Variants in PIP5K1B observed in about 807,000 individuals in gnomAD.
PIP5K1B encodes the protein phosphatidylinositol 4-phosphate 5-kinase type-1 beta.
In PIP5K1B, 42 loss-of-function variants were observed where a neutral mutation model predicts 67.0. The observed-to-expected ratio is 0.63, with a 90% CI of 0.49 to 0.81. The LOEUF is 0.81. Ranked by LOEUF, PIP5K1B falls within the 30% of genes least tolerant of loss-of-function variation. The probability of loss-of-function intolerance (pLI) is 0.00; values close to 1 mark genes in which losing one functional copy is unlikely to be tolerated. For missense variants in PIP5K1B, 459 were observed against 646.3 expected (o/e 0.71, Z 3.14); for synonymous variants, 214 against 231.4 (o/e 0.92, Z 0.68).
Position 68,761,544 on chromosome 9 carries a change from C to A in PIP5K1B, c.-86+18887C>A, listed in dbSNP as rs140056194. On this transcript the variant is annotated intron_variant, in intron 2 of 15. Transcript: ENST00000265382. Reference sequence around the variant, plus strand: ...AGTGAGAAGGCCAAAATTGGTCTCACTGGACTAAAATTAAGATGTCTACAA... The same window carrying A: ...AGTGAGAAGGCCAAAATTGGTCTCAATGGACTAAAATTAAGATGTCTACAA... Among the ~76,000 whole-genome samples, 9 of 152,238 alleles carry A rather than the reference C, an allele frequency of 5.9e-5. No individual in the cohort carries two copies. In the East Asian group the frequency reaches 1.5e-3, roughly 26 times the overall value.
Position 68,986,913 on chromosome 9 carries a change from C to T in PIP5K1B, c.1503-4227C>T, listed in dbSNP as rs377731400. Among the ~76,000 whole-genome samples, 6 of 152,122 alleles carry T rather than the reference C, an allele frequency of 3.9e-5. 1 individual carries two copies. The South Asian group carries it at 1.2e-3, about 31-fold the overall frequency. ...AGGGCAGGAGAAAGAGAATTACTTT[C>T]TGCTGTATTTTACACTTATATGCAT... On this transcript the variant is annotated intron_variant, in intron 14 of 15. Transcript: ENST00000265382.
At chr9:68,876,532 C>A in intron 5 of PIP5K1B, 145 bp from the exon 6 acceptor site, 1 of 606,976 alleles carries the variant, frequency 1.6e-6, no homozygotes, top group Non-Finnish European at 2.9e-6. Flanking sequence ...GCCTTTATGA[C>A]ATGAACTTTG....
At chr9:68,743,889 T>C (rs1030453901) in intron 2 of PIP5K1B, among the ~76,000 whole-genome samples, 4 of 152,140 alleles carry the variant, frequency 2.6e-5, no homozygotes, top group African/African-American at 9.7e-5. Flanking sequence ...CTCAACTGGG[T>C]GCCAGATGAA....
intron 14 of PIP5K1B, among the ~76,000 whole-genome samples, chr9:68,945,821 A>G (rs1259892982): frequency 6.6e-6 from 1 of 152,224 alleles, no homozygotes; most frequent in African/African-American, 2.4e-5. Flanking sequence ...TTCAGATGAT[A>G]AGTTTTAGAT....
At chr9:68,878,902 TGAAGGGTTG>T (rs1824032863) in intron 6 of PIP5K1B, among the ~76,000 whole-genome samples, 1 of 151,732 alleles carries the variant, frequency 6.6e-6, no homozygotes, top group Non-Finnish European at 1.5e-5. Context: ...GCTCAGGGGG[TGAAGGGTTG>T]GAAGGGGCAC....
intron 6 of PIP5K1B, among the ~76,000 whole-genome samples, chr9:68,884,262 A>G (rs1824342819): frequency 6.6e-6 from 1 of 152,060 alleles, no homozygotes; most frequent in East Asian, 1.9e-4. Context: ...TAAAGGGTTG[A>G]TATCCAAAAT....
chr9:68,725,356 T>C (rs1354886557), intron 1 of PIP5K1B, among the ~76,000 whole-genome samples: 2 of 152,196 alleles, frequency 1.3e-5, no homozygotes, highest in Non-Finnish European at 1.5e-5. Context: ...TTCTCATCTA[T>C]GGAATGAAAA....
At chr9:68,758,061 T>C (rs986201507) in intron 2 of PIP5K1B, among the ~76,000 whole-genome samples, 1 of 152,168 alleles carries the variant, frequency 6.6e-6, no homozygotes, top group Non-Finnish European at 1.5e-5. Flanking sequence ...TAAACTGATG[T>C]TGGAAACGTA....
At chr9:68,797,321 G>A (rs1420930723) in intron 2 of PIP5K1B, among the ~76,000 whole-genome samples, 1 of 152,172 alleles carries the variant, frequency 6.6e-6, no homozygotes. Flanking sequence ...GTTAATAAGT[G>A]GATAGGCATT....
chr9:68,760,429 GAGTTA>G (rs577452126), intron 2 of PIP5K1B, among the ~76,000 whole-genome samples: 89 of 152,262 alleles, frequency 5.8e-4, no homozygotes, highest in African/African-American at 2.1e-3. Context: ...TGAAACGTGG[GAGTTA>G]AGTTATCTAT....
intron 4 of PIP5K1B, among the ~76,000 whole-genome samples, chr9:68,841,838 G>A (rs1821936674): frequency 2.0e-5 from 3 of 152,176 alleles, no homozygotes; most frequent in Non-Finnish European, 4.4e-5. Context: ...GGGTGGAAGT[G>A]GCATTTTCTG....
rs71353081 is a variant in PIP5K1B, at chr9:68,754,175, C to CTTTTTTTTTTTT, written c.-86+11519_-86+11530dup. On this transcript the variant is annotated intron_variant, in intron 2 of 15. Coordinates refer to ENST00000265382, the MANE Select transcript of PIP5K1B (RefSeq NM_003558.4). ...AGTCTTCTTTTATGTTCCATGATTT[C>CTTTTTTTTTTTT]TTTTTTTTTTTTGAGACAGAGTCTC... 3.3e-3 allele frequency among the ~76,000 whole-genome samples: 336 copies of CTTTTTTTTTTTT among 101,004 alleles called. 82 individuals carry two copies. The highest frequency in any genetic ancestry group is 0.013 in the African/African-American group (311 of 24,350). The allele number at this position is 101,004 out of a possible 152,430, so 66.3% of individuals were successfully genotyped here.
chr9:68,745,812 G>A (rs1216639954), intron 2 of PIP5K1B, among the ~76,000 whole-genome samples: 2 of 152,146 alleles, frequency 1.3e-5, no homozygotes, highest in Admixed American at 6.5e-5. Context: ...TCTGTTTTCT[G>A]TTACCGCAAT....
intron 6 of PIP5K1B, among the ~76,000 whole-genome samples, chr9:68,877,425 C>A (rs1823951742): frequency 6.6e-6 from 1 of 152,182 alleles, no homozygotes; most frequent in Non-Finnish European, 1.5e-5. Flanking sequence ...GTTCAAGAAG[C>A]CAGGAACTTT....
intron 14 of PIP5K1B, among the ~76,000 whole-genome samples, chr9:68,965,396 G>A (rs1389569911): frequency 1.3e-5 from 2 of 152,132 alleles, no homozygotes; most frequent in African/African-American, 2.4e-5. Context: ...AGTTCTGCAA[G>A]ACCAAGCCTT....
chr9:68,907,937 T>C (rs1392621609), intron 8 of PIP5K1B, among the ~76,000 whole-genome samples: 1 of 152,206 alleles, frequency 6.6e-6, no homozygotes, highest in Non-Finnish European at 1.5e-5. Flanking sequence ...CATAGAGTAA[T>C]ATGAAAGGTG....
chr9:68,898,825 C>A (rs995782256), intron 8 of PIP5K1B, among the ~76,000 whole-genome samples: 2 of 152,186 alleles, frequency 1.3e-5, no homozygotes, highest in African/African-American at 4.8e-5. Flanking sequence ...TTATTGAGAC[C>A]GTGGTTATTC....
intron 2 of PIP5K1B, among the ~76,000 whole-genome samples, chr9:68,790,380 T>C (rs1300611935): frequency 3.9e-5 from 6 of 152,276 alleles, no homozygotes; most frequent in Non-Finnish European, 1.5e-5. Context: ...GTCCCTACAT[T>C]AGACATTTTG....
intron 2 of PIP5K1B, among the ~76,000 whole-genome samples, chr9:68,777,288 A>G (rs1830963756): frequency 6.6e-6 from 1 of 152,246 alleles, no homozygotes; most frequent in Non-Finnish European, 1.5e-5. Context: ...ACAATGTGCC[A>G]GGCCCTGTTC....
Sources: gnomAD v4.1 joint callset for allele counts (sites outside exome capture counted in the v4.1 genomes callset) on GRCh38, gnomAD v4.1.1 for gene constraint, MANE v1.5 for transcripts, NCBI Gene and HGNC (gene_info 2026-07-23, HGNC 2026-07-21) for gene names.